The following TULP2 variants were observed in gnomAD, a reference collection of about 807,000 sequenced individuals.
The protein encoded by TULP2 is TUB like protein 2.
In TULP2, 64 loss-of-function variants were observed where a neutral mutation model predicts 60.3. The ratio of observed to expected loss-of-function variants is 1.06; its 90% CI spans 0.87 to 1.31. TULP2 has a LOEUF of 1.31. Ranked by LOEUF, TULP2 falls within the 50% of genes most tolerant of loss-of-function variation. The pLI, the probability that TULP2 is intolerant of heterozygous loss-of-function variation, is 0.00. For missense variants in TULP2, 652 were observed against 667.0 expected (o/e 0.98, Z 0.25); for synonymous variants, 267 against 265.4 (o/e 1.01, Z -0.06).
chr19:48,895,284 C>G, intron 5 of TULP2, 82 bp downstream of exon 5: 1 of 1,582,326 alleles, frequency 6.3e-7, no homozygotes, highest in South Asian at 1.2e-5. Context: ...GTATTTTGGA[C>G]AGATGGATTG....
intron 8 of TULP2, among the ~76,000 whole-genome samples, chr19:48,886,933 G>A (rs1196112438): frequency 6.8e-6 from 1 of 146,782 alleles, no homozygotes; most frequent in Admixed American, 6.9e-5. Flanking sequence ...AAGCTGATCT[G>A]GAACTTGTCA....
In TULP2 at chr19:48,897,330, T is replaced by C. The variant is rs1194137644; in HGVS notation, c.84+15A>G. On this transcript the variant is annotated intron_variant, in intron 3 of 12. Transcript: ENST00000221399. The surrounding 1 kb of genome is among the most constrained non-coding windows in gnomAD (Gnocchi z 4.0). ...GGCGGAAGAGTTGGAGTGGTGAGATTCCTGGGCACAATACCTGCTGTTCCA... is the reference window on the plus strand; with the variant it reads ...GGCGGAAGAGTTGGAGTGGTGAGATCCCTGGGCACAATACCTGCTGTTCCA... The C allele has an allele frequency of 6.2e-7, 1 of 1,613,224 alleles. No homozygotes were observed. Among genetic ancestry groups the C allele is most frequent in the Non-Finnish European group, 8.5e-7 (1 of 1,179,624 alleles).
chr19:48,887,338 T>TTTTTTTTTTTTTTTTTTTA lies in TULP2; in HGVS notation c.948+611_948+612insTAAAAAAAAAAAAAAAAAA, dbSNP rs1285265988. 1.3e-4 allele frequency among the ~76,000 whole-genome samples: 12 copies of TTTTTTTTTTTTTTTTTTTA among 95,254 alleles called. 1 individual carries two copies. The highest frequency in any genetic ancestry group is 2.2e-4 in the Admixed American group (2 of 9,200). 62.5% of individuals were successfully genotyped at this position (95,254 alleles called of 152,430 possible). A position where few individuals can be genotyped will look rare whatever the true frequency, so the allele number is the denominator to read the frequency against. On this transcript the variant is annotated intron_variant, in intron 8 of 12. Coordinates refer to ENST00000221399, the MANE Select transcript of TULP2 (RefSeq NM_003323.3). ...TTTTTTTTTTTTTTTTTTTTTTTTTTTTTTTATGCAGAGTCTAACTCTGTC... is the reference window on the plus strand; with the variant it reads ...TTTTTTTTTTTTTTTTTTTTTTTTTTTTTTTTTTTTTTTTTTTTATTTTTATGCAGAGTCTAACTCTGTC...
intron 7 of TULP2, among the ~76,000 whole-genome samples, 178 bp downstream of exon 7, chr19:48,889,332 A>G (rs2037211409): frequency 6.6e-6 from 1 of 151,654 alleles, no homozygotes; most frequent in Non-Finnish European, 1.5e-5. Context: ...GATGAATGGT[A>G]CACACACACA....
At chr19:48,896,040 G>GA (rs2037275882) in intron 4 of TULP2, among the ~76,000 whole-genome samples, 1 of 152,092 alleles carries the variant, frequency 6.6e-6, no homozygotes, top group Admixed American at 6.5e-5. Context: ...ATGAGACCGC[G>GA]CCCCGCCCCG....
rs144003818 is a variant in TULP2, at chr19:48,888,013, G to A, written c.885C>T (p.His295=). ...MMQCYLTRDK[H]GVDKGLFPLY... ...GGGGGAACAAGCCCTTGTCCACGCC[G>A]TGCTTGTCACGGGTGAGGTAGCACT... Residue 295 remains histidine (H), a synonymous_variant, in exon 8 of 13, where the codon CAC becomes CAT. Transcript: ENST00000221399. 40 of 1,614,074 alleles carry A rather than the reference G, an allele frequency of 2.5e-5. No individual in the cohort carries two copies. The highest frequency in any genetic ancestry group is 1.5e-4 in the African/African-American group (11 of 74,934).
intron 12 of TULP2, 99 bp from the exon 13 acceptor site, chr19:48,881,225 T>G: frequency 2.7e-6 from 2 of 742,782 alleles, no homozygotes; most frequent in South Asian, 4.2e-5. Flanking sequence ...TTTTTTTTTT[T>G]TTGAGACAGA....
intron 6 of TULP2, among the ~76,000 whole-genome samples, chr19:48,891,407 C>T (rs1307301688): frequency 6.6e-6 from 1 of 151,520 alleles, no homozygotes; most frequent in African/African-American, 2.4e-5. Flanking sequence ...CGGAGGTGGG[C>T]GGATCACGAG....
chr19:48,897,591 C>T lies in TULP2; in HGVS notation c.33-195G>A. 1 of 690,164 alleles carries T rather than the reference C, an allele frequency of 1.4e-6. No homozygotes were observed. Among genetic ancestry groups the T allele is most frequent in the East Asian group, 2.7e-5 (1 of 36,910 alleles). The allele number at this position is 690,164 out of a possible 1,614,324, so 42.8% of individuals were successfully genotyped here. On this transcript the variant is annotated intron_variant, in intron 2 of 12. Transcript: ENST00000221399. The surrounding 1 kb of genome is among the most constrained non-coding windows in gnomAD (Gnocchi z 4.0). ...TGGCACTGGCCCACAGAAGCCGGGA[C>T]CCAGAGATCCCAGGTCCCTCCTGTC...
chr19:48,895,599 G>A (rs531143819), intron 4 of TULP2, 96 bp from the exon 5 acceptor site: 2 of 1,480,366 alleles, frequency 1.4e-6, no homozygotes, highest in Non-Finnish European at 1.8e-6. Context: ...TATCACCCCC[G>A]CCAGGCGCCG....
Position 48,890,491 on chromosome 19 carries a change from G to C in TULP2, c.515-860C>G, listed in dbSNP as rs539052217. Among the ~76,000 whole-genome samples, 5 of 152,282 alleles carry C rather than the reference G, an allele frequency of 3.3e-5. No individual in the cohort carries two copies. The East Asian group carries it at 7.7e-4, about 23-fold the overall frequency. The stretch of plus-strand genomic sequence containing the variant: ...CCATATGCTGAACGCTGGTTCCCTG[G>C]GTCCCCTTATTTCTTTCTCTATACT... On this transcript the variant is annotated intron_variant, in intron 6 of 12. Coordinates refer to ENST00000221399, the MANE Select transcript of TULP2 (RefSeq NM_003323.3).
At chr19:48,893,372 GAA>G (rs377709619) in intron 6 of TULP2, among the ~76,000 whole-genome samples, 233 of 91,960 alleles carry the variant, frequency 2.5e-3, no homozygotes, top group African/African-American at 8.5e-3. Flanking sequence ...TCTGCCTCAA[GAA>G]AAAAAAAAAA....
Position 48,887,311 on chromosome 19 carries a change from C to CTTTTTTTTTTTTTTTTTTTTT in TULP2, c.948+618_948+638dup, listed in dbSNP as rs58640342. 5.6e-3 allele frequency among the ~76,000 whole-genome samples: 221 copies of CTTTTTTTTTTTTTTTTTTTTT among 39,372 alleles called. 46 individuals carry two copies. The highest frequency in any genetic ancestry group is 8.3e-3 in the Non-Finnish European group (160 of 19,332). 25.8% of individuals were successfully genotyped at this position (39,372 alleles called of 152,430 possible). On this transcript the variant is annotated intron_variant, in intron 8 of 12. Coordinates refer to ENST00000221399, the MANE Select transcript of TULP2 (RefSeq NM_003323.3). ...CAAGTGTGAGCCACCGCGCCCAGCC[C>CTTTTTTTTTTTTTTTTTTTTT]TTTTTTTTTTTTTTTTTTTTTTTTT...
At chr19:48,894,234 C>T (rs886516588) in intron 6 of TULP2, among the ~76,000 whole-genome samples, 1 of 151,804 alleles carries the variant, frequency 6.6e-6, no homozygotes, top group Admixed American at 6.6e-5. Context: ...GGTTTCGTCA[C>T]GTTGGCCAGG....
chr19:48,886,943 A>G (rs532439324), intron 8 of TULP2, among the ~76,000 whole-genome samples: 1 of 147,750 alleles, frequency 6.8e-6, no homozygotes, highest in East Asian at 2.0e-4. Context: ...GGAACTTGTC[A>G]GCTCAAATGA....
At position 48,885,574 on chromosome 19, in the gene TULP2, G is replaced by A; in HGVS notation, c.949-14C>T. 3 of 1,610,166 alleles carry A rather than the reference G, an allele frequency of 1.9e-6. No individual in the cohort carries two copies. The highest frequency in any genetic ancestry group is 1.7e-6 in the Non-Finnish European group (2 of 1,176,770). ...CAGGAGGAAGCGCTATGGATGAGAGGAACAGTCCATTAGAATGGACTTCTG... is the reference window on the plus strand; with the variant it reads ...CAGGAGGAAGCGCTATGGATGAGAGAAACAGTCCATTAGAATGGACTTCTG... On this transcript the variant is annotated splice_polypyrimidine_tract_variant and intron_variant, in intron 8 of 12. Transcript: ENST00000221399.
At chr19:48,889,329 G>T (rs2037211387) in intron 7 of TULP2, among the ~76,000 whole-genome samples, 181 bp downstream of exon 7, 1 of 151,978 alleles carries the variant, frequency 6.6e-6, no homozygotes, top group Non-Finnish European at 1.5e-5. Context: ...TTTGATGAAT[G>T]GTACACACAC....
Position 48,889,525 on chromosome 19 carries a change from G to A in TULP2, c.621C>T (p.Asn207=). ...ATTTTCCTACCTTTTGGAAGGCCAAGTTTTCATATACACAGTCACCATCCA... is the reference window on the plus strand; with the variant it reads ...ATTTTCCTACCTTTTGGAAGGCCAAATTTTCATATACACAGTCACCATCCA... ...PGMDGDCVYE[N]LAFQKEEDLE... Residue 207 remains asparagine (N), a synonymous_variant, in exon 7 of 13, where the codon AAC becomes AAT. Coordinates refer to ENST00000221399, the MANE Select transcript of TULP2 (RefSeq NM_003323.3). The A allele has an allele frequency of 6.4e-6, 10 of 1,572,066 alleles. No individual in the cohort carries two copies. The highest frequency in any genetic ancestry group is 8.7e-6 in the Non-Finnish European group (10 of 1,147,962).
chr19:48,892,402 C>T (rs2037240942), intron 6 of TULP2, among the ~76,000 whole-genome samples: 1 of 152,168 alleles, frequency 6.6e-6, no homozygotes, highest in African/African-American at 2.4e-5. Context: ...CTGCCCAGCC[C>T]TAAATCCCTT....
Sources: gnomAD v4.1 joint callset for allele counts (sites outside exome capture counted in the v4.1 genomes callset) on GRCh38, gnomAD v4.1.1 for gene constraint, Gnocchi (gnomAD v3.1) non-coding constraint, MANE v1.5 for transcripts, NCBI Gene and HGNC (gene_info 2026-07-23, HGNC 2026-07-21) for gene names.